ATP11A: variants seen among roughly 807,000 people sequenced by gnomAD.
ATP11A encodes the protein phospholipid-transporting ATPase IH.
In ATP11A, 81 loss-of-function variants were observed where a neutral mutation model predicts 154.4. The observed-to-expected ratio is 0.52, with a 90% CI of 0.44 to 0.63. The LOEUF is 0.63. ATP11A is among the 30% of genes least tolerant of loss of function. The pLI, the probability that ATP11A is intolerant of heterozygous loss-of-function variation, is 0.00. For synonymous variants in ATP11A, 623 were observed against 585.9 expected (o/e 1.06, Z -0.91); for missense variants, 1,316 against 1,474.3 (o/e 0.89, Z 1.76).
At chr13:112,856,788 A>G (rs1403932892) in intron 20 of ATP11A, 6 of 152,244 alleles carry the variant, frequency 3.9e-5, no homozygotes, top group Non-Finnish European at 8.8e-5. Context: ...GAATAAATCC[A>G]TCATTGGTCA....
intron 6 of ATP11A, 57 bp from the exon 7 acceptor site, chr13:112,819,247 G>GTCTGGGTT: frequency 6.7e-7 from 1 of 1,483,310 alleles, no homozygotes; most frequent in Non-Finnish European, 9.4e-7. Flanking sequence ...AGGCACCAGC[G>GTCTGGGTT]TCTGGGTTTG....
chr13:112,723,907 C>T (rs1170325596), intron 1 of ATP11A, among the ~76,000 whole-genome samples: 3 of 151,914 alleles, frequency 2.0e-5, no homozygotes, highest in Non-Finnish European at 2.9e-5. Flanking sequence ...TGTGGATTCC[C>T]GGGAACGCTC....
At chr13:112,815,362 G>A (rs947206546) in intron 5 of ATP11A, among the ~76,000 whole-genome samples, 1 of 151,656 alleles carries the variant, frequency 6.6e-6, no homozygotes, top group African/African-American at 2.4e-5. Flanking sequence ...CCAGGCCACC[G>A]AGATGCCTTC....
Position 112,854,502 on chromosome 13 carries a change from G to T in ATP11A, c.2215G>T (p.Gly739Trp), listed in dbSNP as rs147942119. The T allele has an allele frequency of 2.5e-5, 41 of 1,611,080 alleles. No individual in the cohort carries two copies. The East Asian group carries it at 7.8e-4, about 31-fold the overall frequency. Residue 739 changes from glycine to tryptophan, a missense_variant, in exon 19 of 30, where the codon GGG becomes TGG. Gly to Trp is a radical substitution (Grantham distance 184). This residue lies in a region of ATP11A where 876 missense variants were observed against 1,006.8 expected (regional missense o/e 0.87). Transcript: ENST00000375645. ...ELSKTVLRHS[G>W]SLTRDNLSGL... ...GAGCAAGACGGTCCTGCGCCACAGC[G>T]GGAGCCTGACCAGAGACAACCTGTC...
chr13:112,868,129 T>A (rs923045873), intron 25 of ATP11A, among the ~76,000 whole-genome samples: 10 of 152,346 alleles, frequency 6.6e-5, no homozygotes, highest in African/African-American at 2.4e-4. Flanking sequence ...CAGTTATTTG[T>A]TGAACAGCAA....
chr13:112,699,317 A>G (rs559799226), intron 1 of ATP11A, among the ~76,000 whole-genome samples: 1 of 152,140 alleles, frequency 6.6e-6, no homozygotes, highest in Non-Finnish European at 1.5e-5. Flanking sequence ...GTTTGGCAAA[A>G]TGTTTCCCAT....
intron 2 of ATP11A, among the ~76,000 whole-genome samples, chr13:112,788,752 TA>T (rs1356136373): frequency 6.6e-6 from 1 of 151,714 alleles, no homozygotes; most frequent in Non-Finnish European, 1.5e-5. Context: ...TATGTAGACC[TA>T]TTTAATTCAC....
At chr13:112,717,553 A>G (rs117196445) in intron 1 of ATP11A, 1 of 152,180 alleles carries the variant, frequency 6.6e-6, no homozygotes, top group South Asian at 2.1e-4. Flanking sequence ...TGAATGTACA[A>G]CCTTCACATT....
intron 16 of ATP11A, among the ~76,000 whole-genome samples, chr13:112,837,840 G>A (rs1325928399): frequency 6.6e-6 from 1 of 152,078 alleles, no homozygotes; most frequent in East Asian, 1.9e-4. Flanking sequence ...GAGCTGTAGG[G>A]GGAGGCAGTG....
At chr13:112,791,506 TA>T (rs2077856465) in intron 2 of ATP11A, among the ~76,000 whole-genome samples, 1 of 152,216 alleles carries the variant, frequency 6.6e-6, no homozygotes, top group Admixed American at 6.5e-5. Context: ...AGGGTCCTGG[TA>T]CCCCTGGCAG....
At chr13:112,809,339 C>T (rs1012841703) in intron 4 of ATP11A, among the ~76,000 whole-genome samples, 3 of 152,190 alleles carry the variant, frequency 2.0e-5, no homozygotes, top group African/African-American at 4.8e-5. Context: ...TCCATGCGTC[C>T]CAGGCTTCTT....
Position 112,733,349 on chromosome 13 carries a change from C to T in ATP11A, c.39+42894C>T, listed in dbSNP as rs148635747. Reference sequence around the variant, plus strand: ...GATCCTGCTGTGCAGATGCAGGATCCGCAGTGGGGACAGGATGGATAGGAC... The same window carrying T: ...GATCCTGCTGTGCAGATGCAGGATCTGCAGTGGGGACAGGATGGATAGGAC... On this transcript the variant is annotated intron_variant, in intron 1 of 29. Coordinates refer to ENST00000375645, the MANE Select transcript of ATP11A (RefSeq NM_015205.3). Among the ~76,000 whole-genome samples the T allele has an allele frequency of 7.3e-3, 1,107 of 152,236 alleles. 9 individuals carry two copies. The highest frequency in any genetic ancestry group is 0.025 in the African/African-American group (1,043 of 41,530).
chr13:112,875,887 C>T lies in ATP11A; in HGVS notation c.3273C>T (p.Val1091=), dbSNP rs151103008. ...LLVTISLLPD[V]LKKVLCRQLW... is the part of the protein sequence containing the mutation. ...TGACCATCAGCCTCCTTCCCGACGT[C>T]CTCAAGAAAGTCCTGTGCCGGCAGC... is the stretch of plus-strand genomic sequence containing the variant. Residue 1091 remains valine (V), a synonymous_variant, in exon 28 of 30, where the codon GTC becomes GTT. Transcript: ENST00000375645. The surrounding 1 kb of genome is among the most constrained non-coding windows in gnomAD (Gnocchi z 4.1). 13 of 1,613,564 alleles carry T rather than the reference C, an allele frequency of 8.1e-6. No individual in the cohort carries two copies. Among genetic ancestry groups the T allele is most frequent in the Non-Finnish European group, 1.1e-5 (13 of 1,180,040 alleles).
chr13:112,816,995 T>G (rs998215808), intron 6 of ATP11A, among the ~76,000 whole-genome samples: 1 of 152,248 alleles, frequency 6.6e-6, no homozygotes, highest in Non-Finnish European at 1.5e-5. Context: ...TGAATGTATC[T>G]TAGTCAGGAT....
intron 1 of ATP11A, among the ~76,000 whole-genome samples, chr13:112,730,660 A>G (rs994499292): frequency 1.3e-5 from 2 of 152,220 alleles, no homozygotes; most frequent in Non-Finnish European, 2.9e-5. Context: ...CCTTCTGGAC[A>G]CACTGCTGGG....
chr13:112,872,090 T>C (rs893123341), intron 26 of ATP11A, among the ~76,000 whole-genome samples: 1 of 152,224 alleles, frequency 6.6e-6, no homozygotes, highest in Non-Finnish European at 1.5e-5. Flanking sequence ...CAGGCTAGAA[T>C]TGTTTTCAGT....
chr13:112,750,639 G>A, intron 1 of ATP11A, among the ~76,000 whole-genome samples: 1 of 150,674 alleles, frequency 6.6e-6, no homozygotes, highest in East Asian at 2.0e-4. Context: ...AGGACGCGGG[G>A]TTGAATCCCC....
rs2079863257 is a variant in ATP11A at position 112,854,440 on chromosome 13, T to C, written c.2153T>C (p.Ile718Thr). 6.2e-7 allele frequency: 1 copy of C among 1,609,802 alleles called. No homozygotes were observed. Among genetic ancestry groups the C allele is most frequent in the Non-Finnish European group, 8.5e-7 (1 of 1,179,074 alleles). ...TQLLELTTKR[I>T]EEQSLHDVLF... ...CTGCTGGAGCTGACCACCAAGAGGA[T>C]CGAGGAGCAGAGCCTGCACGACGTC... Residue 718 changes from isoleucine to threonine, a missense_variant, in exon 19 of 30, where the codon ATC (isoleucine) becomes ACC (threonine). This residue lies in a region of ATP11A where 876 missense variants were observed against 1,006.8 expected (regional missense o/e 0.87). Transcript: ENST00000375645.
At chr13:112,741,945 C>T (rs1323472016) in intron 1 of ATP11A, among the ~76,000 whole-genome samples, 3 of 151,918 alleles carry the variant, frequency 2.0e-5, no homozygotes, top group South Asian at 2.1e-4. Context: ...CCCTTCCCCA[C>T]GGAAGAGCGC....
Sources: gnomAD v4.1 joint callset for allele counts (sites outside exome capture counted in the v4.1 genomes callset) on GRCh38, gnomAD v4.1.1 for gene constraint, gnomAD v4.1.1 regional missense constraint, Gnocchi (gnomAD v3.1) non-coding constraint, MANE v1.5 for transcripts, NCBI Gene and HGNC (gene_info 2026-07-23, HGNC 2026-07-21) for gene names.